CLIP2: variants seen among roughly 807,000 people sequenced by gnomAD.
CLIP2 encodes CAP-Gly domain containing linker protein 2.
Under a neutral mutation model 111.7 loss-of-function variants are expected in CLIP2, and 41 were observed. The observed-to-expected ratio is 0.37, with a 90% CI of 0.29 to 0.48. The LOEUF (loss-of-function observed/expected upper bound fraction) is 0.48. Among genes scored for constraint, CLIP2 ranks in the 20% least tolerant of loss-of-function variants. The pLI, the probability that CLIP2 is intolerant of heterozygous loss-of-function variation, is 0.99. For synonymous variants in CLIP2, 660 were observed against 644.2 expected, an observed-to-expected ratio of 1.02 and a Z score of -0.37; for missense variants, 1,160 against 1,422.1, an observed-to-expected ratio of 0.82 and a Z score of 2.96.
chr7:74,339,494 C>T (rs543641079), intron 3 of CLIP2, among the ~76,000 whole-genome samples: 2 of 152,028 alleles, frequency 1.3e-5, no homozygotes, highest in Admixed American at 6.6e-5. Context: ...TCAGTAGAGA[C>T]GGGGTTTCAC....
intron 8 of CLIP2, among the ~76,000 whole-genome samples, chr7:74,365,760 T>G (rs1309491442): frequency 6.6e-6 from 1 of 152,126 alleles, no homozygotes; most frequent in East Asian, 1.9e-4. Flanking sequence ...CCCACCCTTT[T>G]TTTTCTTTTT....
At chr7:74,332,934 G>A (rs1191870403) in intron 2 of CLIP2, among the ~76,000 whole-genome samples, 1 of 152,184 alleles carries the variant, frequency 6.6e-6, no homozygotes, top group Non-Finnish European at 1.5e-5. Flanking sequence ...GATTGAGCAG[G>A]AAAAGCCAGT....
At chr7:74,340,911 G>A (rs1260352532) in intron 3 of CLIP2, among the ~76,000 whole-genome samples, 2 of 152,080 alleles carry the variant, frequency 1.3e-5, no homozygotes, top group African/African-American at 2.4e-5. Context: ...CTCCAAAGCC[G>A]AGTGGAGAAG....
chr7:74,316,217 C>T (rs1341535996), intron 1 of CLIP2, among the ~76,000 whole-genome samples: 2 of 152,008 alleles, frequency 1.3e-5, no homozygotes, highest in African/African-American at 2.4e-5. Context: ...TCATCTTGTT[C>T]TATTTTACGA....
At chr7:74,389,280 G>C (rs1554315386) in intron 13 of CLIP2, 21 bp downstream of exon 13, 1 of 1,552,468 alleles carries the variant, frequency 6.4e-7, no homozygotes, top group South Asian at 1.2e-5. Flanking sequence ...CGTGGGGCCG[G>C]CTGGGTCCTC....
intron 2 of CLIP2, among the ~76,000 whole-genome samples, chr7:74,320,537 A>C (rs535418103): frequency 5.9e-5 from 9 of 152,212 alleles, no homozygotes; most frequent in Non-Finnish European, 1.0e-4. Flanking sequence ...CAAAACAAAA[A>C]AAGGATGGTG....
At chr7:74,336,885 GT>G (rs368322789) in intron 2 of CLIP2, among the ~76,000 whole-genome samples, 90,415 of 134,392 alleles carry the variant, frequency 0.67, 30,106 homozygotes, top group Middle Eastern at 0.78. Context: ...GTTTTTTTTT[GT>G]TTTGTTTTTT....
intron 4 of CLIP2, 98 bp downstream of exon 4, chr7:74,354,102 G>C: frequency 7.2e-7 from 1 of 1,394,780 alleles, no homozygotes; most frequent in Non-Finnish European, 9.8e-7. Context: ...CGAGTGTCCA[G>C]CATGTAGTGT....
intron 14 of CLIP2, among the ~76,000 whole-genome samples, chr7:74,398,516 A>C (rs1292358087): frequency 2.6e-5 from 4 of 151,936 alleles, no homozygotes; most frequent in Non-Finnish European, 5.9e-5. Context: ...GCCCCCCACC[A>C]CCCTCCTGCC....
chr7:74,309,410 A>G (rs188987577), intron 1 of CLIP2, among the ~76,000 whole-genome samples: 12 of 152,196 alleles, frequency 7.9e-5, no homozygotes, highest in Non-Finnish European at 1.8e-4. Flanking sequence ...CTACCCAGAA[A>G]GTTCTCTGTG....
chr7:74,381,998 C>A (rs996869344), intron 11 of CLIP2, among the ~76,000 whole-genome samples: 1 of 152,214 alleles, frequency 6.6e-6, no homozygotes, highest in Non-Finnish European at 1.5e-5. Flanking sequence ...TTTGATCAGA[C>A]TTTGTGATCT....
rs1554314819 is a variant in CLIP2 at position 74,386,527 on chromosome 7, A to G, written c.2486A>G (p.Gln829Arg). The change falls in exon 12 of 17, where the codon CAG becomes CGG. Residue 829 changes from glutamine (Q) to arginine (R), a missense_variant. By Grantham distance (43) the Gln-to-Arg change is conservative. This residue lies in a region of CLIP2 where 676 missense variants were observed against 777.8 expected (regional missense o/e 0.87). Coordinates refer to ENST00000223398, the MANE Select transcript of CLIP2 (RefSeq NM_003388.5). Reference sequence around the variant, plus strand: ...TCTCTCCTCTCTCCCCTAGGCCTGCAGGACAAGCTGAACAAGAGGGACAAA... The same window carrying G: ...TCTCTCCTCTCTCCCCTAGGCCTGCGGGACAAGCTGAACAAGAGGGACAAA... Reference protein sequence around the residue: ...IRTKETVEGLQDKLNKRDKEV... With the variant: ...IRTKETVEGLRDKLNKRDKEV... 1.2e-6 allele frequency: 2 copies of G among 1,611,474 alleles called. No homozygotes were observed. Among genetic ancestry groups the G allele is most frequent in the Non-Finnish European group, 1.7e-6 (2 of 1,178,782 alleles).
chr7:74,326,638 ATTT>A (rs879951400), intron 2 of CLIP2, among the ~76,000 whole-genome samples: 1 of 136,578 alleles, frequency 7.3e-6, no homozygotes. Flanking sequence ...GGCCCAGAGC[ATTT>A]TTTTTTTTTT....
At chr7:74,331,173 T>C (rs1789265376) in intron 2 of CLIP2, among the ~76,000 whole-genome samples, 1 of 120,102 alleles carries the variant, frequency 8.3e-6, no homozygotes, top group Non-Finnish European at 1.6e-5. Context: ...GCCACTGCAC[T>C]CCAGCCTGAG....
At chr7:74,334,600 GCT>G (rs1322157952) in intron 2 of CLIP2, among the ~76,000 whole-genome samples, 1 of 152,118 alleles carries the variant, frequency 6.6e-6, no homozygotes, top group Non-Finnish European at 1.5e-5. Flanking sequence ...AGGTCACAGA[GCT>G]CTCTCTGCAT....
At chr7:74,390,737 T>G in intron 13 of CLIP2, among the ~76,000 whole-genome samples, 1 of 58,472 alleles carries the variant, frequency 1.7e-5, no homozygotes, top group East Asian at 5.0e-4. Flanking sequence ...AGTAACTATT[T>G]TCTGGCGGGG....
At position 74,338,486 on chromosome 7, in the gene CLIP2, TC is replaced by T; in HGVS notation, c.164del (p.Pro55ArgfsTer33). ...CAAACAGTCATCTGGACCCTCCTCC[TC>T]CCCGGCCGCAGCTGCTGCCCCCGAG... Reference protein sequence around the residue: ...LHKQSSGPSSSPAAAAAPEKP... With the variant: ...LHKQSSGPSSXPAAAAAPEKP... On this transcript the variant is annotated frameshift_variant, in exon 3 of 17. Coordinates refer to ENST00000223398, the MANE Select transcript of CLIP2 (RefSeq NM_003388.5). LOFTEE classifies it high-confidence loss of function. The surrounding 1 kb of genome is among the most constrained non-coding windows in gnomAD (Gnocchi z 4.3). The T allele has an allele frequency of 2.5e-6, 4 of 1,612,166 alleles. No individual in the cohort carries two copies. Among genetic ancestry groups the T allele is most frequent in the South Asian group, 1.1e-5 (1 of 90,920 alleles).
At chr7:74,334,623 C>A (rs1554731805) in intron 2 of CLIP2, among the ~76,000 whole-genome samples, 1 of 152,010 alleles carries the variant, frequency 6.6e-6, no homozygotes, top group African/African-American at 2.4e-5. Flanking sequence ...AGGAAAGTGC[C>A]CTAGAAATGG....
chr7:74,353,253 C>CTT (rs199943133), intron 3 of CLIP2, among the ~76,000 whole-genome samples: 7 of 142,844 alleles, frequency 4.9e-5, no homozygotes, highest in African/African-American at 1.0e-4. Flanking sequence ...CACGAAAACC[C>CTT]TTTTTTTTTT....
Sources: allele counts gnomAD v4.1 joint callset (sites outside exome capture counted in the v4.1 genomes callset), GRCh38; gene constraint gnomAD v4.1.1; regional missense constraint gnomAD v4.1.1; non-coding constraint Gnocchi (gnomAD v3.1); transcripts MANE v1.5; gene names NCBI Gene and HGNC (gene_info 2026-07-23, HGNC 2026-07-21).